Variants in TFPI observed in about 807,000 individuals in gnomAD.
TFPI encodes the protein anti-convertin.
Under a neutral mutation model 34.6 loss-of-function variants are expected in TFPI, and 15 were observed. That is an observed-to-expected ratio of 0.43 (90% confidence interval 0.29 to 0.67). TFPI has a LOEUF of 0.67. TFPI is among the 30% of genes least tolerant of loss of function. The probability of loss-of-function intolerance (pLI) is 0.15; values close to 1 mark genes in which losing one functional copy is unlikely to be tolerated. For missense variants in TFPI, 301 were observed against 364.0 expected (o/e 0.83, Z 1.41); for synonymous variants, 105 against 120.1 (o/e 0.87, Z 0.82).
rs552727963 is a variant in TFPI at position 187,548,762 on chromosome 2, C to T, written c.-3+5438G>A. ...ATTAATATTTGCAAACTTTAAAAAG[C>T]CTTGAAAAGAGTTTTATCCAGAGCT... On this transcript the variant is annotated intron_variant, in intron 1 of 7. Transcript: ENST00000233156. Among the ~76,000 whole-genome samples the T allele has an allele frequency of 2.0e-5, 3 of 151,976 alleles. No homozygotes were observed. In the South Asian group the frequency reaches 6.2e-4, roughly 32 times the overall value.
chr2:187,518,451 A>C (rs1387662888), intron 1 of TFPI: 1 of 152,222 alleles, frequency 6.6e-6, no homozygotes, highest in African/African-American at 2.4e-5. Flanking sequence ...TTTCTTTAAG[A>C]ATGTAGAATA....
At chr2:187,539,187 T>A (rs1688438646) in intron 1 of TFPI, among the ~76,000 whole-genome samples, 1 of 152,150 alleles carries the variant, frequency 6.6e-6, no homozygotes, top group Non-Finnish European at 1.5e-5. Context: ...GTGGACAGTA[T>A]AATGTCTGTG....
chr2:187,478,029 T>C, intron 6 of TFPI, among the ~76,000 whole-genome samples: 1 of 152,126 alleles, frequency 6.6e-6, no homozygotes, highest in East Asian at 1.9e-4. Flanking sequence ...TTTTTAAGTC[T>C]ACCTGAATTT....
chr2:187,484,291 C>T (rs1195207142), intron 5 of TFPI, 75 bp from the exon 6 acceptor site: 48 of 1,307,490 alleles, frequency 3.7e-5, no homozygotes, highest in Non-Finnish European at 5.0e-5. Context: ...AAGCGTACAA[C>T]AGTTAAAAAA....
intron 1 of TFPI, among the ~76,000 whole-genome samples, chr2:187,543,408 A>G (rs1488193565): frequency 6.6e-6 from 1 of 152,248 alleles, no homozygotes; most frequent in Non-Finnish European, 1.5e-5. Context: ...TGCTGTACAC[A>G]AAAATAGATG....
chr2:187,544,507 C>T (rs1416274587), intron 1 of TFPI: 3 of 152,066 alleles, frequency 2.0e-5, no homozygotes, highest in Admixed American at 6.6e-5. Flanking sequence ...ATCAAACCTC[C>T]GTTATAATTG....
intron 1 of TFPI, among the ~76,000 whole-genome samples, chr2:187,512,431 A>G (rs544210859): frequency 6.6e-6 from 1 of 152,186 alleles, no homozygotes; most frequent in African/African-American, 2.4e-5. Context: ...GGGGATTTAA[A>G]TCTTAATTAC....
At chr2:187,475,787 A>T (rs1692336123) in intron 6 of TFPI, among the ~76,000 whole-genome samples, 2 of 152,240 alleles carry the variant, frequency 1.3e-5, no homozygotes, top group African/African-American at 2.4e-5. Flanking sequence ...TAACTAGAAA[A>T]TTAAGAAAAT....
chr2:187,538,142 G>A (rs995760620), intron 1 of TFPI, among the ~76,000 whole-genome samples: 1 of 152,194 alleles, frequency 6.6e-6, no homozygotes, highest in African/African-American at 2.4e-5. Context: ...TGGTGGGAGT[G>A]TAAATTAATT....
chr2:187,485,092 A>G (rs926413843), intron 4 of TFPI, 105 bp from the exon 5 acceptor site: 12 of 848,612 alleles, frequency 1.4e-5, no homozygotes, highest in Non-Finnish European at 1.9e-5. Context: ...AGGAGTAAGC[A>G]TAAAAATTAA....
At chr2:187,536,615 C>T (rs1688272085) in intron 1 of TFPI, among the ~76,000 whole-genome samples, 3 of 152,188 alleles carry the variant, frequency 2.0e-5, no homozygotes, top group Non-Finnish European at 2.9e-5. Flanking sequence ...ATGACAAACT[C>T]ACTGCCAATA....
chr2:187,484,569 C>A, intron 5 of TFPI: 1 of 492,048 alleles, frequency 2.0e-6, no homozygotes, highest in Non-Finnish European at 3.5e-6. Context: ...AATTGTACTG[C>A]AGTATTCTCA....
In TFPI at chr2:187,466,628, A is replaced by C. The variant is rs930922219; in HGVS notation, c.*308T>G. On this transcript the variant is annotated 3_prime_UTR_variant, in exon 8 of 8. Coordinates refer to ENST00000233156, the MANE Select transcript of TFPI (RefSeq NM_006287.6). ...CATATTCTCAAACAGATGGTCACCA[A>C]ATGGAATCAAAGGACTGATTTGATG... is the stretch of plus-strand genomic sequence containing the variant. The C allele has an allele frequency of 1.0e-5, 2 of 193,570 alleles. No homozygotes were observed. Among genetic ancestry groups the C allele is most frequent in the Non-Finnish European group, 2.1e-5 (2 of 94,922 alleles). The allele number at this position is 193,570 out of a possible 1,614,324, so 12.0% of individuals were successfully genotyped here.
rs113727256 is a variant in TFPI, at chr2:187,467,875, T to C, written c.686A>G (p.Asn229Ser). Reference protein sequence around the residue: ...TPADRGLCRANENRFYYNSVI... With the variant: ...TPADRGLCRASENRFYYNSVI... ...TGAATTGTAGTAGAATCTGTTCTCA[T>C]TGGCACGACACAATCCTCTGTCTGC... Residue 229 changes from asparagine to serine, a missense_variant, in exon 7 of 8, where the codon AAT becomes AGT. Transcript: ENST00000233156. The C allele has an allele frequency of 1.7e-4, 281 of 1,612,280 alleles. 2 individuals are homozygous for C. The African/African-American group carries it at 3.1e-3, about 18-fold the overall frequency.
At chr2:187,513,257 G>A (rs1031918325) in intron 1 of TFPI, among the ~76,000 whole-genome samples, 2 of 151,790 alleles carry the variant, frequency 1.3e-5, no homozygotes, top group East Asian at 1.9e-4. Context: ...AAAACACAAC[G>A]GGTTTTTTCT....
At chr2:187,484,092 C>T in intron 6 of TFPI, 32 bp downstream of exon 6, 3 of 1,571,732 alleles carry the variant, frequency 1.9e-6, no homozygotes, top group South Asian at 2.2e-5. Flanking sequence ...ATAATAGTTT[C>T]CTGGAAGCAA....
intron 6 of TFPI, 82 bp downstream of exon 6, chr2:187,484,042 G>A: frequency 9.1e-7 from 1 of 1,102,940 alleles, no homozygotes; most frequent in Non-Finnish European, 1.4e-6. Context: ...TATATTTAAA[G>A]ACATACTTCT....
At chr2:187,508,108 A>G (rs1462506756) in intron 1 of TFPI, among the ~76,000 whole-genome samples, 1 of 152,184 alleles carries the variant, frequency 6.6e-6, no homozygotes, top group African/African-American at 2.4e-5. Context: ...TTTGTCAAAG[A>G]TCAGATGATT....
At chr2:187,513,528 G>A (rs990777150) in intron 1 of TFPI, 2 of 152,310 alleles carry the variant, frequency 1.3e-5, no homozygotes, top group Non-Finnish European at 2.9e-5. Flanking sequence ...TTTAGCACAC[G>A]TACCACCCCT....
Sources: allele counts gnomAD v4.1 joint callset (sites outside exome capture counted in the v4.1 genomes callset), GRCh38; gene constraint gnomAD v4.1.1; transcripts MANE v1.5; gene names NCBI Gene and HGNC (gene_info 2026-07-23, HGNC 2026-07-21).